The following TIAM1 variants were observed in gnomAD, a reference collection of about 807,000 sequenced individuals.
TIAM1 encodes TIAM Rac1 associated GEF 1, also known as rho guanine nucleotide exchange factor TIAM1.
In TIAM1, 65 loss-of-function variants were observed where a neutral mutation model predicts 163.5. That is an observed-to-expected ratio of 0.40 (90% CI 0.33 to 0.49). The LOEUF is 0.49. Ranked by LOEUF, TIAM1 falls within the 20% of genes least tolerant of loss-of-function variation. The pLI is 0.77. For synonymous variants in TIAM1, 833 were observed against 810.1 expected (o/e 1.03, Z -0.48); for missense variants, 1,789 against 2,044.7 (o/e 0.87, Z 2.41).
chr21:31,464,343 C>T (rs1406803021), intron 1 of TIAM1, among the ~76,000 whole-genome samples: 1 of 152,168 alleles, frequency 6.6e-6, no homozygotes, highest in Non-Finnish European at 1.5e-5. Flanking sequence ...CTCAACCAGG[C>T]TCAGAATCCT....
intron 1 of TIAM1, among the ~76,000 whole-genome samples, chr21:31,486,278 G>A (rs771118433): frequency 5.3e-5 from 8 of 152,090 alleles, no homozygotes; most frequent in Non-Finnish European, 8.8e-5. Context: ...GAAAACGCTC[G>A]CCCTCTGACA....
intron 3 of TIAM1, among the ~76,000 whole-genome samples, chr21:31,268,041 T>C (rs2072882687): frequency 6.6e-6 from 1 of 152,204 alleles, no homozygotes; most frequent in South Asian, 2.1e-4. Context: ...TCTTGTTCCA[T>C]GAAGTCTCTC....
chr21:31,213,579 G>A lies in TIAM1; in HGVS notation c.2143-107C>T, dbSNP rs146064388. 467 of 887,870 alleles carry A rather than the reference G, an allele frequency of 5.3e-4. No homozygotes were observed. The African/African-American group carries it at 5.4e-3, about 10-fold the overall frequency. 55.0% of individuals were successfully genotyped at this position (887,870 alleles called of 1,614,324 possible). On this transcript the variant is annotated intron_variant, in intron 9 of 27. Coordinates refer to ENST00000541036, the MANE Select transcript of TIAM1 (RefSeq NM_001353694.2). Reference sequence around the variant, plus strand: ...ATGGCTATGACAAAACCTTACACACGTGTTCAGATACTCCTACATCAAATC... The same window carrying A: ...ATGGCTATGACAAAACCTTACACACATGTTCAGATACTCCTACATCAAATC...
At chr21:31,499,368 T>C (rs2147442519) in intron 1 of TIAM1, among the ~76,000 whole-genome samples, 1 of 151,696 alleles carries the variant, frequency 6.6e-6, no homozygotes, top group East Asian at 2.0e-4. Context: ...GAGACCAGCC[T>C]GGGCAACACG....
chr21:31,526,192 G>A (rs73345644), intron 1 of TIAM1, among the ~76,000 whole-genome samples: 4,203 of 152,296 alleles, frequency 0.028, 185 homozygotes, highest in African/African-American at 0.096. Flanking sequence ...CCCTGGGGCA[G>A]ATGAGTAAGC....
intron 2 of TIAM1, among the ~76,000 whole-genome samples, chr21:31,336,488 C>CT (rs34052300): frequency 0.033 from 4,144 of 125,392 alleles, 80 homozygotes; most frequent in South Asian, 0.053. Flanking sequence ...TTGCCCCTTG[C>CT]TTTTTTTTTT....
At position 31,452,431 on chromosome 21, in the gene TIAM1, G is replaced by T. The variant is rs754880531; in HGVS notation, c.-369+11552C>A. 1.0e-5 allele frequency: 4 copies of T among 381,290 alleles called. No homozygotes were observed. The East Asian group carries it at 2.5e-4, about 24-fold the overall frequency. 23.6% of individuals were successfully genotyped at this position (381,290 alleles called of 1,614,324 possible). ...GGGCCACAGAGCAAGACCCTATTTC[G>T]AAACAACAACAACAAAAGAAAGGTT... On this transcript the variant is annotated intron_variant, in intron 2 of 28. Transcript: ENST00000286827.
chr21:31,240,865 A>G (rs188297185), intron 6 of TIAM1, among the ~76,000 whole-genome samples: 8 of 152,294 alleles, frequency 5.3e-5, no homozygotes, highest in African/African-American at 1.9e-4. Flanking sequence ...GGTCACTGAT[A>G]CGGTTTGGCT....
chr21:31,440,948 A>AT (rs2044398290), intron 2 of TIAM1, among the ~76,000 whole-genome samples: 1 of 152,182 alleles, frequency 6.6e-6, no homozygotes, highest in Admixed American at 6.5e-5. Context: ...GAAAACATGC[A>AT]TTTACATTTT....
chr21:31,534,147 C>A (rs1440577603), intron 1 of TIAM1, among the ~76,000 whole-genome samples: 2 of 152,182 alleles, frequency 1.3e-5, no homozygotes, highest in African/African-American at 4.8e-5. Context: ...AAAGCGAGTA[C>A]CTCCAAGGTA....
Position 31,442,070 on chromosome 21 carries a change from A to AATATATATATATATATATATAT in TIAM1, c.-369+21912_-369+21913insATATATATATATATATATATAT, listed in dbSNP as rs138822110. 5.4e-3 allele frequency among the ~76,000 whole-genome samples: 289 copies of AATATATATATATATATATATAT among 53,172 alleles called. 31 individuals are homozygous for AATATATATATATATATATATAT. Among genetic ancestry groups the AATATATATATATATATATATAT allele is most frequent in the South Asian group, 0.014 (14 of 1,012 alleles). 34.9% of individuals were successfully genotyped at this position (53,172 alleles called of 152,430 possible). A position where few individuals can be genotyped will look rare whatever the true frequency, so the allele number is the denominator to read the frequency against. On this transcript the variant is annotated intron_variant, in intron 2 of 28. Transcript: ENST00000286827. ...GACCCTATCTCAGAACAAATAAATA[A>AATATATATATATATATATATAT]ATATATATATATATATAGAACAATA...
At chr21:31,342,817 G>C (rs1390543460) in intron 1 of TIAM1, among the ~76,000 whole-genome samples, 1 of 152,184 alleles carries the variant, frequency 6.6e-6, no homozygotes, top group African/African-American at 2.4e-5. Flanking sequence ...TGGTTTAAAA[G>C]TAATTTCCTC....
At chr21:31,281,743 G>A (rs984345408) in intron 2 of TIAM1, among the ~76,000 whole-genome samples, 4 of 152,042 alleles carry the variant, frequency 2.6e-5, no homozygotes, top group African/African-American at 9.7e-5. Flanking sequence ...ATAGATATAT[G>A]GATGAATGGT....
intron 2 of TIAM1, among the ~76,000 whole-genome samples, chr21:31,291,666 G>A (rs1443258105): frequency 1.3e-5 from 2 of 152,242 alleles, no homozygotes; most frequent in Admixed American, 6.5e-5. Context: ...GGGACTGCAG[G>A]CATGCGCTAC....
At chr21:31,494,373 C>T (rs2147429469) in intron 1 of TIAM1, among the ~76,000 whole-genome samples, 1 of 152,308 alleles carries the variant, frequency 6.6e-6, no homozygotes, top group African/African-American at 2.4e-5. Context: ...CTCCCTTTTC[C>T]TATTTCCAAT....
intron 1 of TIAM1, among the ~76,000 whole-genome samples, chr21:31,554,868 G>A (rs1268604905): frequency 6.6e-6 from 1 of 152,130 alleles, no homozygotes; most frequent in African/African-American, 2.4e-5. Flanking sequence ...TCTCACACAC[G>A]CACTGGAGGA....
intron 2 of TIAM1, among the ~76,000 whole-genome samples, chr21:31,413,362 C>A (rs1029368698): frequency 4.0e-4 from 60 of 150,868 alleles, no homozygotes; most frequent in African/African-American, 1.4e-3. Context: ...CTCCGCCTCC[C>A]GGGTTCACGC....
chr21:31,365,387 C>CTTTTT (rs772457613), intron 2 of TIAM1, among the ~76,000 whole-genome samples: 11 of 128,798 alleles, frequency 8.5e-5, no homozygotes, highest in African/African-American at 8.7e-5. Flanking sequence ...TTATTTCTTT[C>CTTTTT]TTTTTTTTTT....
At chr21:31,128,844 A>C (rs1466219464) in intron 25 of TIAM1, among the ~76,000 whole-genome samples, 1 of 152,158 alleles carries the variant, frequency 6.6e-6, no homozygotes, top group Non-Finnish European at 1.5e-5. Context: ...TGCCTCATTT[A>C]ATTTGGAAGA....
Sources: allele counts gnomAD v4.1 joint callset (sites outside exome capture counted in the v4.1 genomes callset), GRCh38; gene constraint gnomAD v4.1.1; transcripts MANE v1.5; gene names NCBI Gene and HGNC (gene_info 2026-07-23, HGNC 2026-07-21).